DLG5: variants seen among roughly 807,000 people sequenced by gnomAD.
DLG5 encodes discs large MAGUK scaffold protein 5.
Under a neutral mutation model 189.8 loss-of-function variants are expected in DLG5, and 48 were observed. That is an observed-to-expected ratio of 0.25 (90% CI 0.20 to 0.32). The LOEUF (loss-of-function observed/expected upper bound fraction) is 0.32. DLG5 is among the 10% of genes least tolerant of loss of function. The probability of loss-of-function intolerance (pLI) is 1.00; values close to 1 mark genes in which losing one functional copy is unlikely to be tolerated. For synonymous variants in DLG5, 1,016 were observed against 1,054.1 expected, an observed-to-expected ratio of 0.96 and a Z score of 0.70; for missense variants, 2,160 against 2,544.7, an observed-to-expected ratio of 0.85 and a Z score of 3.25.
At chr10:77,859,962 G>C (rs1464862294) in intron 2 of DLG5, among the ~76,000 whole-genome samples, 2 of 152,220 alleles carry the variant, frequency 1.3e-5, no homozygotes, top group Non-Finnish European at 2.9e-5. Context: ...GTGGGTGATG[G>C]TGCTGAGTCA....
chr10:77,855,565 T>C (rs908820359), intron 3 of DLG5, among the ~76,000 whole-genome samples: 5 of 152,260 alleles, frequency 3.3e-5, no homozygotes, highest in Admixed American at 2.0e-4. Context: ...CCAATGAGCA[T>C]GGCTGTGTTC....
intron 1 of DLG5, among the ~76,000 whole-genome samples, chr10:77,902,641 A>G (rs890019227): frequency 1.3e-5 from 2 of 151,708 alleles, no homozygotes; most frequent in South Asian, 4.1e-4. Context: ...TGGGCGGATC[A>G]TGAGGTCAGG....
chr10:77,897,654 T>C (rs1845802089), intron 1 of DLG5, among the ~76,000 whole-genome samples: 2 of 148,010 alleles, frequency 1.4e-5, no homozygotes, highest in South Asian at 4.3e-4. Context: ...TGAGACCCTA[T>C]TTCTACAAAG....
At chr10:77,799,369 G>C (rs1841087631) in intron 27 of DLG5, among the ~76,000 whole-genome samples, 1 of 152,178 alleles carries the variant, frequency 6.6e-6, no homozygotes, top group Non-Finnish European at 1.5e-5. Context: ...AGTTAAATGA[G>C]GTCAGAAGAG....
intron 7 of DLG5, among the ~76,000 whole-genome samples, chr10:77,836,275 T>C (rs978690647): frequency 6.6e-5 from 10 of 152,180 alleles, no homozygotes; most frequent in African/African-American, 2.4e-4. Flanking sequence ...TAGAGAGTTA[T>C]ATGCTCCACT....
rs1840915674 is a variant in DLG5, at chr10:77,796,237, C to G, written c.5309-49G>C. ...CAGGGAGCCCCAGGCCCTGCTGAGC[C>G]CCAGCAGAGGGAGCAGGGGAAGAAC... On this transcript the variant is annotated intron_variant, in intron 28 of 31. Transcript: ENST00000372391. This position sits in a 1 kb window ranked among gnomAD's most constrained non-coding sequence, Gnocchi z 5.2. 1.2e-6 allele frequency: 2 copies of G among 1,612,954 alleles called. No individual in the cohort carries two copies. The highest frequency in any genetic ancestry group is 1.3e-5 in the African/African-American group (1 of 74,898).
chr10:77,891,752 T>C (rs984805629), intron 1 of DLG5, among the ~76,000 whole-genome samples: 5 of 152,140 alleles, frequency 3.3e-5, no homozygotes, highest in African/African-American at 1.2e-4. Flanking sequence ...CAGCACTTCA[T>C]CTCAAACACT....
At chr10:77,850,406 C>A (rs1843909157) in intron 5 of DLG5, among the ~76,000 whole-genome samples, 1 of 152,224 alleles carries the variant, frequency 6.6e-6, no homozygotes, top group African/African-American at 2.4e-5. Flanking sequence ...AATAATATTC[C>A]ATTGTATGGA....
intron 27 of DLG5, among the ~76,000 whole-genome samples, chr10:77,798,386 C>T (rs1841034624): frequency 2.0e-5 from 3 of 152,088 alleles, no homozygotes; most frequent in South Asian, 2.1e-4. Flanking sequence ...CAAAGAACTT[C>T]CTCCGAGAGG....
At chr10:77,874,004 C>A (rs543081144) in intron 1 of DLG5, among the ~76,000 whole-genome samples, 1 of 152,354 alleles carries the variant, frequency 6.6e-6, no homozygotes, top group Admixed American at 6.5e-5. Context: ...CACTGAGGAA[C>A]CACAGCCTGA....
rs1156386683 is a variant in DLG5 at position 77,792,159 on chromosome 10, G to C, written c.*281C>G. ...GAAAGGTTCTCTTTGCAGCATCTCTGATCAGCTGGCTAAAGAAAGGTGGGT... is the reference window on the plus strand; with the variant it reads ...GAAAGGTTCTCTTTGCAGCATCTCTCATCAGCTGGCTAAAGAAAGGTGGGT... On this transcript the variant is annotated 3_prime_UTR_variant, in exon 32 of 32. Transcript: ENST00000372391. The C allele has an allele frequency of 2.1e-6, 1 of 479,600 alleles. No homozygotes were observed. The highest frequency in any genetic ancestry group is 3.7e-6 in the Non-Finnish European group (1 of 267,874). 29.7% of individuals were successfully genotyped at this position (479,600 alleles called of 1,614,324 possible). A position where few individuals can be genotyped will look rare whatever the true frequency, so the allele number is the denominator to read the frequency against.
At chr10:77,935,343 C>G in the DLG5 span, among the ~76,000 whole-genome samples, 1 of 152,086 alleles carries the variant, frequency 6.6e-6, no homozygotes, top group Non-Finnish European at 1.5e-5. Context: ...CAAAAACACC[C>G]TGTGATAGGA....
upstream of DLG5, among the ~76,000 whole-genome samples, chr10:77,930,170 A>C (rs1251124014): frequency 6.6e-6 from 1 of 152,040 alleles, no homozygotes; most frequent in African/African-American, 2.4e-5. Flanking sequence ...TCATTTGTCA[A>C]AAACAGGCTT....
rs1844245308 is a variant in DLG5, at chr10:77,856,675, C to T, written c.536+55G>A. On this transcript the variant is annotated intron_variant, in intron 3 of 31. Transcript: ENST00000372391. ...TGTTTGGGGGTGACAGCACCAGCAT[C>T]GGGGTAGTAATCCCAACCATGGGGC... is the stretch of plus-strand genomic sequence containing the variant. 6.3e-6 allele frequency: 10 copies of T among 1,583,684 alleles called. 1 individual carries two copies. The highest frequency in any genetic ancestry group is 3.4e-5 in the Admixed American group (2 of 58,500).
chr10:77,849,335 C>A (rs888675829), intron 5 of DLG5, among the ~76,000 whole-genome samples: 1 of 152,260 alleles, frequency 6.6e-6, no homozygotes, highest in African/African-American at 2.4e-5. Context: ...CCCTTGGGCC[C>A]AGCGGGGAGC....
intron 4 of DLG5, 91 bp downstream of exon 4, chr10:77,854,136 C>G: frequency 4.0e-6 from 6 of 1,508,134 alleles, no homozygotes; most frequent in Non-Finnish European, 5.3e-6. Flanking sequence ...GGACTAGAAC[C>G]AGAACCCCTG....
At chr10:77,815,181 G>A (rs960928146) in intron 20 of DLG5, among the ~76,000 whole-genome samples, 3 of 152,210 alleles carry the variant, frequency 2.0e-5, no homozygotes, top group South Asian at 2.1e-4. Flanking sequence ...GGCCAGGGCC[G>A]GGGCTGAGTA....
chr10:77,868,159 AAGCCACC>A (rs564746077), intron 2 of DLG5: 55 of 450,928 alleles, frequency 1.2e-4, no homozygotes, highest in African/African-American at 9.4e-4. Flanking sequence ...TCTGCTGTGT[AAGCCACC>A]TGGTCTGCGG....
chr10:77,913,763 T>A (rs942074717), intron 1 of DLG5, among the ~76,000 whole-genome samples: 8 of 152,066 alleles, frequency 5.3e-5, no homozygotes, highest in Non-Finnish European at 8.8e-5. Context: ...AATTTTTTTT[T>A]ATTTTTGTAG....
Sources: gnomAD v4.1 joint callset for allele counts (sites outside exome capture counted in the v4.1 genomes callset) on GRCh38, gnomAD v4.1.1 for gene constraint, Gnocchi (gnomAD v3.1) non-coding constraint, MANE v1.5 for transcripts, NCBI Gene and HGNC (gene_info 2026-07-23, HGNC 2026-07-21) for gene names.